Variants in IPO11 observed in about 807,000 individuals in gnomAD.
IPO11 encodes importin-11.
Under a neutral mutation model 143.2 loss-of-function variants are expected in IPO11, and 66 were observed. The observed-to-expected ratio is 0.46, with a 90% CI of 0.38 to 0.57. The LOEUF (loss-of-function observed/expected upper bound fraction) is 0.57. Among genes scored for constraint, IPO11 ranks in the 20% least tolerant of loss-of-function variants. The probability of loss-of-function intolerance (pLI) is 0.00; values close to 1 mark genes in which losing one functional copy is unlikely to be tolerated. For missense variants in IPO11, 1,026 were observed against 1,141.0 expected, an observed-to-expected ratio of 0.90 and a Z score of 1.45; for synonymous variants, 385 against 377.8, an observed-to-expected ratio of 1.02 and a Z score of -0.22.
At chr5:62,449,757 G>T in intron 3 of IPO11, 170 bp from the exon 4 acceptor site, 1 of 445,970 alleles carries the variant, frequency 2.2e-6, no homozygotes, top group Non-Finnish European at 4.0e-6. Flanking sequence ...TATTGTTAAA[G>T]TTCACAGTAG....
At chr5:62,609,544 C>A (rs544621275) in intron 29 of IPO11, among the ~76,000 whole-genome samples, 1 of 152,210 alleles carries the variant, frequency 6.6e-6, no homozygotes, top group African/African-American at 2.4e-5. Context: ...CTGGATGGAC[C>A]AATGAATGAA....
intron 12 of IPO11, among the ~76,000 whole-genome samples, chr5:62,486,873 G>T: frequency 6.6e-6 from 1 of 152,048 alleles, no homozygotes; most frequent in African/African-American, 2.4e-5. Context: ...TCCCAGTGTT[G>T]ATGGTTATCT....
At chr5:62,513,786 C>T (rs1434356612) in intron 19 of IPO11, among the ~76,000 whole-genome samples, 2 of 151,476 alleles carry the variant, frequency 1.3e-5, no homozygotes, top group African/African-American at 2.4e-5. Context: ...ACGCTCCTCA[C>T]TTCCCAGACG....
intron 24 of IPO11, among the ~76,000 whole-genome samples, chr5:62,545,201 C>G (rs1743122407): frequency 6.6e-6 from 1 of 152,186 alleles, no homozygotes; most frequent in African/African-American, 2.4e-5. Context: ...TCAAACTATA[C>G]TACAAGGCTA....
At chr5:62,499,450 A>C (rs527867148) in intron 16 of IPO11, among the ~76,000 whole-genome samples, 1 of 152,334 alleles carries the variant, frequency 6.6e-6, no homozygotes, top group South Asian at 2.1e-4. Flanking sequence ...GTGAATGTGA[A>C]AGCCTAGAAA....
At chr5:62,580,154 C>T in intron 27 of IPO11, 1 of 1,551,070 alleles carries the variant, frequency 6.4e-7, no homozygotes, top group Non-Finnish European at 8.7e-7. Context: ...TCTCATAATC[C>T]TATTGAAGCA....
intron 19 of IPO11, among the ~76,000 whole-genome samples, chr5:62,507,464 A>G (rs979573559): frequency 1.3e-5 from 2 of 152,164 alleles, no homozygotes; most frequent in African/African-American, 4.8e-5. Flanking sequence ...AACTCATTTT[A>G]AGTCCTTGCC....
chr5:62,587,274 C>T (rs1744831058), intron 27 of IPO11, among the ~76,000 whole-genome samples: 1 of 151,200 alleles, frequency 6.6e-6, no homozygotes, highest in Admixed American at 6.6e-5. Context: ...TTATTGAATG[C>T]AAAAAAAATT....
chr5:62,435,212 G>GTATATATATGTATATATATGTATA (rs1744173528), intron 1 of IPO11, among the ~76,000 whole-genome samples: 1 of 79,680 alleles, frequency 1.3e-5, no homozygotes, highest in African/African-American at 5.5e-5. Context: ...ATATATATGT[G>GTATATATATGTATATATATGTATA]TATATATATA....
At chr5:62,581,461 A>C in intron 27 of IPO11, 1 of 646,174 alleles carries the variant, frequency 1.5e-6, no homozygotes. Context: ...TGAACAGTGT[A>C]TTCATTTAGC....
chr5:62,416,939 C>T (rs1049019073), intron 1 of IPO11, among the ~76,000 whole-genome samples: 2 of 151,668 alleles, frequency 1.3e-5, no homozygotes, highest in African/African-American at 4.8e-5. Context: ...TGCCACATTG[C>T]CCAGGCTTGT....
chr5:62,620,820 A>G (rs1561391101), intron 29 of IPO11, among the ~76,000 whole-genome samples: 2 of 152,240 alleles, frequency 1.3e-5, no homozygotes, highest in Non-Finnish European at 2.9e-5. Context: ...TCTGCTTGCC[A>G]TCATGGCCTG....
intron 27 of IPO11, among the ~76,000 whole-genome samples, chr5:62,565,548 AAACT>A (rs1426479745): frequency 1.3e-5 from 2 of 152,204 alleles, no homozygotes; most frequent in Non-Finnish European, 2.9e-5. Context: ...GAAAAGAAAC[AAACT>A]AACACCAAGC....
chr5:62,419,969 C>A (rs1407334251), intron 1 of IPO11, among the ~76,000 whole-genome samples: 3 of 152,112 alleles, frequency 2.0e-5, no homozygotes, highest in African/African-American at 7.2e-5. Flanking sequence ...GCATTGCTCT[C>A]TACCTCAGGT....
At chr5:62,440,972 A>G (rs564523078) in intron 2 of IPO11, among the ~76,000 whole-genome samples, 1 of 152,134 alleles carries the variant, frequency 6.6e-6, no homozygotes, top group African/African-American at 2.4e-5. Context: ...TCAAAAAAAA[A>G]AACTTACAAA....
intron 28 of IPO11, among the ~76,000 whole-genome samples, chr5:62,599,201 A>G (rs1745407999): frequency 6.6e-6 from 1 of 152,222 alleles, no homozygotes. Context: ...AAGTTTGAGA[A>G]TCGCTGATAT....
chr5:62,443,289 T>A, intron 3 of IPO11: 2 of 439,936 alleles, frequency 4.5e-6, no homozygotes, highest in Non-Finnish European at 8.0e-6. Flanking sequence ...TTAAAAAAAA[T>A]GCAAAAAAAG....
chr5:62,583,613 T>G (rs2112411843), intron 27 of IPO11, among the ~76,000 whole-genome samples: 1 of 152,280 alleles, frequency 6.6e-6, no homozygotes, highest in Non-Finnish European at 1.5e-5. Context: ...AAATTTTTCT[T>G]TTTTTACTAA....
intron 5 of IPO11, among the ~76,000 whole-genome samples, chr5:62,456,995 G>C (rs2112172402): frequency 6.6e-6 from 1 of 152,176 alleles, no homozygotes; most frequent in South Asian, 2.1e-4. Context: ...CAGGACAATT[G>C]CTTCAACCTG....
Sources: allele counts gnomAD v4.1 joint callset (sites outside exome capture counted in the v4.1 genomes callset), GRCh38; gene constraint gnomAD v4.1.1; transcripts MANE v1.5; gene names NCBI Gene and HGNC (gene_info 2026-07-23, HGNC 2026-07-21).